MYO1E: variants seen among roughly 807,000 people sequenced by gnomAD.
MYO1E encodes unconventional myosin-Ie.
Under a neutral mutation model 151.1 loss-of-function variants are expected in MYO1E, and 68 were observed. That is an observed-to-expected ratio of 0.45 (90% CI 0.37 to 0.55). The LOEUF (loss-of-function observed/expected upper bound fraction) is 0.55, where lower values mean the gene tolerates loss of function less well. Ranked by LOEUF, MYO1E falls within the 20% of genes least tolerant of loss-of-function variation. The probability of loss-of-function intolerance (pLI) is 0.00; values close to 1 mark genes in which losing one functional copy is unlikely to be tolerated. For missense variants in MYO1E, 1,363 were observed against 1,389.3 expected, an observed-to-expected ratio of 0.98 and a Z score of 0.30; for synonymous variants, 601 against 501.7, an observed-to-expected ratio of 1.20 and a Z score of -2.64.
chr15:59,188,763 A>G (rs564145510), intron 17 of MYO1E, among the ~76,000 whole-genome samples: 44 of 152,270 alleles, frequency 2.9e-4, no homozygotes, highest in African/African-American at 1.1e-3. Context: ...GGCATTACAT[A>G]TCTATTTCAA....
chr15:59,337,063 C>T (rs1231361216), intron 1 of MYO1E, among the ~76,000 whole-genome samples: 1 of 151,816 alleles, frequency 6.6e-6, no homozygotes, highest in African/African-American at 2.4e-5. Flanking sequence ...TACCTCCTTG[C>T]AGTTACTGAA....
chr15:59,225,780 G>A (rs1438498340), intron 7 of MYO1E, among the ~76,000 whole-genome samples: 12 of 151,774 alleles, frequency 7.9e-5, no homozygotes, highest in Non-Finnish European at 1.5e-4. Context: ...CTGAGTAGCT[G>A]GGACTACAGG....
rs1333013712 is a variant in MYO1E at position 59,236,516 on chromosome 15, C to CT, written c.420+68dup. The stretch of plus-strand genomic sequence containing the variant: ...TTTTCTGTGGAAGAAAAATTCTTTT[C>CT]TAACAGCAAATGGAGCCTCTTACAT... On this transcript the variant is annotated intron_variant, in intron 5 of 27. Transcript: ENST00000288235. 2.0e-5 allele frequency: 28 copies of CT among 1,379,118 alleles called. No homozygotes were observed. The Admixed American group carries it at 4.6e-4, about 23-fold the overall frequency. The allele number at this position is 1,379,118 out of a possible 1,614,324, so 85.4% of individuals were successfully genotyped here. A position where few individuals can be genotyped will look rare whatever the true frequency, so the allele number is the denominator to read the frequency against.
chr15:59,258,314 T>G (rs188620439), intron 3 of MYO1E, among the ~76,000 whole-genome samples: 90 of 152,270 alleles, frequency 5.9e-4, no homozygotes, highest in Admixed American at 2.2e-3. Context: ...AGTATTGCAC[T>G]CCAGTCTGGT....
intron 1 of MYO1E, among the ~76,000 whole-genome samples, chr15:59,359,324 A>ATT (rs1297747310): frequency 7.2e-6 from 1 of 138,548 alleles, no homozygotes; most frequent in South Asian, 2.2e-4. Flanking sequence ...ATATATATAT[A>ATT]TATTTTTTTT....
At chr15:59,217,518 C>CTTTTTT (rs1334637019) in intron 10 of MYO1E, among the ~76,000 whole-genome samples, 1 of 10,702 alleles carries the variant, frequency 9.3e-5, no homozygotes, top group East Asian at 4.6e-3. Flanking sequence ...AGTCGTTTTA[C>CTTTTTT]CTTTTTTTTT....
intron 26 of MYO1E, among the ~76,000 whole-genome samples, chr15:59,141,410 G>A (rs1448191323): frequency 1.3e-5 from 2 of 152,130 alleles, no homozygotes; most frequent in Non-Finnish European, 2.9e-5. Flanking sequence ...ATCACCTCTA[G>A]ATTACTTATA....
intron 9 of MYO1E, among the ~76,000 whole-genome samples, chr15:59,219,488 G>A (rs552298642): frequency 6.6e-6 from 1 of 152,306 alleles, no homozygotes; most frequent in South Asian, 2.1e-4. Flanking sequence ...TTCACAGATG[G>A]TGTTAGAATA....
At chr15:59,281,568 G>A (rs548812190) in intron 1 of MYO1E, among the ~76,000 whole-genome samples, 8 of 150,888 alleles carry the variant, frequency 5.3e-5, no homozygotes, top group South Asian at 4.3e-4. Context: ...GAGCCACCGC[G>A]CCCGGCCCCC....
chr15:59,215,659 T>C (rs1221415116), intron 10 of MYO1E, among the ~76,000 whole-genome samples: 5 of 152,146 alleles, frequency 3.3e-5, no homozygotes, highest in African/African-American at 9.7e-5. Context: ...CAAAATGAAA[T>C]ATCATCTTTT....
chr15:59,291,754 T>C (rs1168930632), intron 1 of MYO1E, among the ~76,000 whole-genome samples: 1 of 69,500 alleles, frequency 1.4e-5, no homozygotes, highest in Non-Finnish European at 2.9e-5. Flanking sequence ...AAAAGAGAAA[T>C]AGCTTGAGAT....
In MYO1E at chr15:59,137,386, C is replaced by T. The variant is rs1381317933; in HGVS notation, c.3321G>A (p.Lys1107=). ...TGTCAGAGTCACGGGCACCTCAGAT[C>T]TTGGTCACATAGTTGTTGGGGAACA... ...QGLFPNNYVT[K]I The change falls in exon 28 of 28, where the codon AAG becomes AAA. Residue 1107 remains lysine, a synonymous_variant. Coordinates refer to ENST00000288235, the MANE Select transcript of MYO1E (RefSeq NM_004998.4). 1.9e-6 allele frequency: 3 copies of T among 1,614,168 alleles called. No homozygotes were observed. In the African/African-American group the frequency reaches 4.0e-5, roughly 22 times the overall value.
intron 3 of MYO1E, among the ~76,000 whole-genome samples, chr15:59,259,365 A>G (rs1382463311): frequency 9.2e-5 from 14 of 152,108 alleles, no homozygotes; most frequent in Admixed American, 2.6e-4. Context: ...GAGTGATTCC[A>G]TGTTGGTTTG....
chr15:59,192,208 G>A (rs551088791), intron 17 of MYO1E, among the ~76,000 whole-genome samples: 3 of 147,876 alleles, frequency 2.0e-5, no homozygotes, highest in Admixed American at 2.0e-4. Flanking sequence ...ATAAATCAAC[G>A]CTCGACCAAC....
At position 59,136,880 on chromosome 15, in the gene MYO1E, C is replaced by T. The variant is rs961453971; in HGVS notation, c.*500G>A. The stretch of plus-strand genomic sequence containing the variant: ...ACCCTTGGCACGTACATGGGAAGTG[C>T]CTGCTCACGCTAAGCCCAGTCTGCA... On this transcript the variant is annotated 3_prime_UTR_variant, in exon 28 of 28. Transcript: ENST00000288235. The T allele has an allele frequency of 5.6e-5, 23 of 413,632 alleles. No homozygotes were observed. Among genetic ancestry groups the T allele is most frequent in the African/African-American group, 4.7e-4 (23 of 48,610 alleles). 25.6% of individuals were successfully genotyped at this position (413,632 alleles called of 1,614,324 possible). A position where few individuals can be genotyped will look rare whatever the true frequency, so the allele number is the denominator to read the frequency against.
intron 1 of MYO1E, among the ~76,000 whole-genome samples, chr15:59,339,283 G>C (rs2080748883): frequency 6.6e-6 from 1 of 152,196 alleles, no homozygotes; most frequent in African/African-American, 2.4e-5. Flanking sequence ...ATGATACACA[G>C]TGCTTGGATA....
intron 3 of MYO1E, among the ~76,000 whole-genome samples, chr15:59,258,975 T>A (rs1272774869): frequency 6.6e-6 from 1 of 152,046 alleles, no homozygotes; most frequent in South Asian, 2.1e-4. Context: ...TTTTTGTTTT[T>A]AAATAGAGAC....
In MYO1E at chr15:59,346,698, G is replaced by C. The variant is rs527387902; in HGVS notation, c.3+25800C>G. On this transcript the variant is annotated intron_variant, in intron 1 of 27. Transcript: ENST00000288235. ...TCCCAGCACTTTTGGAGGATCACTA[G>C]AGCCCAGGAGTTCAAGACCAGCCTG... is the stretch of plus-strand genomic sequence containing the variant. 3.9e-5 allele frequency among the ~76,000 whole-genome samples: 6 copies of C among 152,250 alleles called. No homozygotes were observed. In the South Asian group the frequency reaches 6.2e-4, roughly 16 times the overall value.
chr15:59,268,179 T>TTTTTAG (rs1360081893), intron 2 of MYO1E, among the ~76,000 whole-genome samples: 4 of 152,316 alleles, frequency 2.6e-5, no homozygotes, highest in Non-Finnish European at 5.9e-5. Flanking sequence ...CATTGAAGTG[T>TTTTTAG]TAAAGGATGC....
Sources: allele counts gnomAD v4.1 joint callset (sites outside exome capture counted in the v4.1 genomes callset), GRCh38; gene constraint gnomAD v4.1.1; transcripts MANE v1.5; gene names NCBI Gene and HGNC (gene_info 2026-07-23, HGNC 2026-07-21).